The following LINGO1 variants were observed in gnomAD, a reference collection of about 807,000 sequenced individuals.
LINGO1 encodes the protein leucine rich repeat and Ig domain containing 1.
In LINGO1, 11 loss-of-function variants were observed where a neutral mutation model predicts 37.3. The ratio of observed to expected loss-of-function variants is 0.29; its 90% CI spans 0.19 to 0.49. The LOEUF is 0.49. LINGO1 is among the 20% of genes least tolerant of loss of function. LINGO1 has a pLI of 0.99. For synonymous variants in LINGO1, 387 were observed against 403.0 expected (o/e 0.96, Z 0.48); for missense variants, 585 against 878.2 (o/e 0.67, Z 4.22).
intron 1 of LINGO1, among the ~76,000 whole-genome samples, chr15:77,747,512 G>C (rs566405926): frequency 1.2e-4 from 18 of 152,346 alleles, no homozygotes; most frequent in Admixed American, 5.2e-4. Context: ...CAGAGCTCAG[G>C]CTGGCCCTCT....
At chr15:77,781,724 G>A (rs1037197210) in intron 1 of LINGO1, among the ~76,000 whole-genome samples, 1 of 152,256 alleles carries the variant, frequency 6.6e-6, no homozygotes, top group Non-Finnish European at 1.5e-5. Context: ...GAAGCTCAGA[G>A]GGGGTAGTGA....
chr15:77,704,157 T>G (rs978264500), intron 2 of LINGO1, among the ~76,000 whole-genome samples: 14 of 152,146 alleles, frequency 9.2e-5, no homozygotes, highest in African/African-American at 3.4e-4. Flanking sequence ...TTCTGAAGGA[T>G]CTGCAGAAGC....
chr15:77,618,647 TGGCGG>T (rs2073811575), intron 1 of LINGO1, among the ~76,000 whole-genome samples: 1 of 39,830 alleles, frequency 2.5e-5, no homozygotes, highest in African/African-American at 1.0e-4. Context: ...TGGAGTGCAG[TGGCGG>T]GATCTCGGCT....
chr15:77,792,098 C>A (rs539311359), intron 2 of LINGO1, among the ~76,000 whole-genome samples: 1 of 152,274 alleles, frequency 6.6e-6, no homozygotes, highest in African/African-American at 2.4e-5. Flanking sequence ...GTCTGTGCAG[C>A]CTCCCCTCAT....
chr15:77,776,522 G>GGAAAGCAGGAAGGC lies in LINGO1; in HGVS notation c.-257+10346_-257+10347insGCCTTCCTGCTTTC, dbSNP rs2076651152. ...GCAGGAAGGCAGGAAGGCAGGAAGG[G>GGAAAGCAGGAAGGC]AGGAAGGGAGGGAGGGAGGGAGGGA... On this transcript the variant is annotated intron_variant, in intron 1 of 3. Transcript: ENST00000561686. Among the ~76,000 whole-genome samples the GGAAAGCAGGAAGGC allele has an allele frequency of 1.4e-3, 73 of 52,472 alleles. 4 individuals are homozygous for GGAAAGCAGGAAGGC. The highest frequency in any genetic ancestry group is 3.8e-3 in the African/African-American group (53 of 13,968). The allele number at this position is 52,472 out of a possible 152,430, so 34.4% of individuals were successfully genotyped here.
chr15:77,623,615 G>A (rs1285046988), intron 1 of LINGO1, among the ~76,000 whole-genome samples: 2 of 152,192 alleles, frequency 1.3e-5, no homozygotes, highest in Admixed American at 1.3e-4. Flanking sequence ...CGGACTGCGC[G>A]GCTGGGGGCC....
intron 1 of LINGO1, among the ~76,000 whole-genome samples, chr15:77,757,336 T>C (rs1488164214): frequency 3.3e-5 from 5 of 152,224 alleles, no homozygotes; most frequent in Non-Finnish European, 4.4e-5. Flanking sequence ...AAGGCTGGGC[T>C]TGTCAGGCAC....
At chr15:77,699,728 A>G (rs60711644), upstream of LINGO1, among the ~76,000 whole-genome samples, 1 of 151,776 alleles carries the variant, frequency 6.6e-6, no homozygotes, top group Admixed American at 6.6e-5. Context: ...CACAATAAGC[A>G]CATACTAACC....
rs747721754 is a variant in LINGO1 at position 77,614,379 on chromosome 15, C to T, written c.1528G>A (p.Ala510Thr). The T allele has an allele frequency of 4.3e-6, 7 of 1,613,632 alleles. No individual in the cohort carries two copies. The East Asian group carries it at 6.7e-5, about 15-fold the overall frequency. Reference protein sequence around the residue: ...ANAGGNDSMPAHLHVRSYSPD... With the variant: ...ANAGGNDSMPTHLHVRSYSPD... ...GAGTAGCTGCGCACATGCAGGTGGG[C>T]GGGCATGGAGTCGTTGCCGCCCGCG... Residue 510 changes from alanine to threonine, a missense_variant, in exon 2 of 2, where the codon GCC becomes ACC. Coordinates refer to ENST00000355300, the MANE Select transcript of LINGO1 (RefSeq NM_032808.7).
At position 77,814,506 on chromosome 15, in the gene LINGO1, A is replaced by G. The variant is rs546154095; in HGVS notation, c.-458+5752T>C. Among the ~76,000 whole-genome samples the G allele has an allele frequency of 2.2e-4, 34 of 152,354 alleles. No individual in the cohort carries two copies. In the Middle Eastern group the frequency reaches 0.01, roughly 46 times the overall value. ...CTTCTACCTGGACATTGAAACTCCA[A>G]CCTGACCCACTTCCCTTTCCTGCAG... On this transcript the variant is annotated intron_variant, in intron 1 of 5. Coordinates refer to the LINGO1 transcript ENST00000562933.
rs574880695 is a variant in LINGO1, at chr15:77,797,411, T to C, written c.-457-1358A>G. Among the ~76,000 whole-genome samples the C allele has an allele frequency of 9.1e-4, 138 of 152,216 alleles. 1 individual carries two copies. The highest frequency in any genetic ancestry group is 2.3e-3 in the African/African-American group (95 of 41,530). On this transcript the variant is annotated intron_variant, in intron 1 of 5. Transcript: ENST00000562933. Reference sequence around the variant, plus strand: ...AGCTACGTGTTTCTCTTTCTGTGTATTGGAAAAAAAAACATGACAGGCACA... The same window carrying C: ...AGCTACGTGTTTCTCTTTCTGTGTACTGGAAAAAAAAACATGACAGGCACA...
chr15:77,725,190 C>T (rs902219732), intron 2 of LINGO1, among the ~76,000 whole-genome samples: 1 of 152,212 alleles, frequency 6.6e-6, no homozygotes, highest in Non-Finnish European at 1.5e-5. Context: ...AAGCCCTGAA[C>T]GGGGAATTCA....
chr15:77,771,951 G>A (rs1045015526), intron 1 of LINGO1, among the ~76,000 whole-genome samples: 2 of 152,200 alleles, frequency 1.3e-5, no homozygotes, highest in African/African-American at 2.4e-5. Flanking sequence ...CCTCCAGCCT[G>A]GCTCCAAGGT....
At chr15:77,629,975 C>A in intron 1 of LINGO1, among the ~76,000 whole-genome samples, 1 of 151,496 alleles carries the variant, frequency 6.6e-6, no homozygotes. Flanking sequence ...TGAGGGGATG[C>A]GGGGCCAAGC....
upstream of LINGO1, among the ~76,000 whole-genome samples, chr15:77,635,809 G>C (rs143642061): frequency 8.7e-4 from 130 of 148,870 alleles, 1 homozygote; most frequent in African/African-American, 3.1e-3. Context: ...GCAGATCTGA[G>C]ACTGCGTGTC....
chr15:77,648,206 T>C (rs2074679528), intron 3 of LINGO1: 3 of 302,782 alleles, frequency 9.9e-6, no homozygotes, highest in Non-Finnish European at 1.9e-5. Flanking sequence ...AACATACAAG[T>C]TACCATTGAA....
chr15:77,629,781 G>A (rs1350342113), intron 1 of LINGO1, among the ~76,000 whole-genome samples: 5 of 152,176 alleles, frequency 3.3e-5, no homozygotes, highest in Non-Finnish European at 7.3e-5. Context: ...GCCCAGAGCC[G>A]AGCAGGCAGC....
At chr15:77,772,475 G>A (rs1303267801) in intron 1 of LINGO1, among the ~76,000 whole-genome samples, 1 of 152,160 alleles carries the variant, frequency 6.6e-6, no homozygotes, top group Non-Finnish European at 1.5e-5. Flanking sequence ...CTCAGAAGGT[G>A]GGAATTCTGA....
At position 77,745,768 on chromosome 15, in the gene LINGO1, G is replaced by A. The variant is rs147209942; in HGVS notation, c.-256-10715C>T. Among the ~76,000 whole-genome samples, 860 of 152,270 alleles carry A rather than the reference G, an allele frequency of 5.6e-3. 4 individuals carry two copies. Among genetic ancestry groups the A allele is most frequent in the Middle Eastern group, 0.01 (3 of 294 alleles). On this transcript the variant is annotated intron_variant, in intron 1 of 3. Coordinates refer to the LINGO1 transcript ENST00000561686. The stretch of plus-strand genomic sequence containing the variant: ...AAGGGGAAACCAAGGCTCAAAAGAT[G>A]AAGTGGCTTATCCAGGGTCGGGCAA...
Sources: gnomAD v4.1 joint callset for allele counts (sites outside exome capture counted in the v4.1 genomes callset) on GRCh38, gnomAD v4.1.1 for gene constraint, MANE v1.5 for transcripts, NCBI Gene and HGNC (gene_info 2026-07-23, HGNC 2026-07-21) for gene names.